The following WWOX variants were observed in gnomAD, a reference collection of about 807,000 sequenced individuals.
The protein encoded by WWOX is WW domain containing oxidoreductase, also known as WW domain-containing oxidoreductase.
A neutral mutation model predicts 46.2 loss-of-function variants in WWOX; 69 were observed. That is an observed-to-expected ratio of 1.49 (90% CI 1.23 to 1.82). The LOEUF is 1.82. Among genes scored for constraint, WWOX ranks in the 40% most tolerant of loss-of-function variants. The pLI is 0.00. For missense variants in WWOX, 919 were observed against 542.6 expected (o/e 1.69, Z -6.89); for synonymous variants, 359 against 202.6 (o/e 1.77, Z -6.56).
At chr16:78,565,315 G>T (rs2044538811) in intron 8 of WWOX, among the ~76,000 whole-genome samples, 1 of 152,198 alleles carries the variant, frequency 6.6e-6, no homozygotes, top group Non-Finnish European at 1.5e-5. Context: ...AGTCTCACCT[G>T]GTCAAGATGT....
chr16:78,105,285 A>T (rs893304596), intron 1 of WWOX, among the ~76,000 whole-genome samples: 10 of 152,266 alleles, frequency 6.6e-5, no homozygotes, highest in African/African-American at 2.4e-4. Context: ...AACATGGTGA[A>T]ACCCCATCTC....
chr16:78,507,590 A>G (rs887914783), intron 8 of WWOX, among the ~76,000 whole-genome samples: 2 of 152,154 alleles, frequency 1.3e-5, no homozygotes, highest in South Asian at 2.1e-4. Flanking sequence ...CAGGCATGCA[A>G]CATCAGTGTC....
chr16:78,609,396 A>G (rs1167701164), intron 8 of WWOX, among the ~76,000 whole-genome samples: 4 of 152,122 alleles, frequency 2.6e-5, no homozygotes, highest in Non-Finnish European at 5.9e-5. Flanking sequence ...ATGCTTCCCC[A>G]CCAGGAGAGT....
At chr16:78,385,319 G>T (rs772190659) in intron 5 of WWOX, among the ~76,000 whole-genome samples, 13 of 152,056 alleles carry the variant, frequency 8.5e-5, no homozygotes, top group Non-Finnish European at 1.5e-4. Flanking sequence ...ACCATTTATT[G>T]CCAAGTGGCA....
chr16:78,604,137 C>G (rs1444120424), intron 8 of WWOX, among the ~76,000 whole-genome samples: 1 of 151,908 alleles, frequency 6.6e-6, no homozygotes, highest in Non-Finnish European at 1.5e-5. Context: ...GAGACCTTGT[C>G]TAAAAAATAA....
chr16:79,081,000 G>A (rs1036591701), intron 8 of WWOX, among the ~76,000 whole-genome samples: 7 of 151,978 alleles, frequency 4.6e-5, no homozygotes, highest in Admixed American at 6.6e-5. Context: ...ACACACACAC[G>A]CACATGCACA....
intron 5 of WWOX, among the ~76,000 whole-genome samples, chr16:78,274,592 A>G (rs574279249): frequency 6.2e-4 from 94 of 152,244 alleles, no homozygotes; most frequent in African/African-American, 2.2e-3. Flanking sequence ...GAACACATCC[A>G]ATGTTCAATG....
At chr16:79,065,480 C>T (rs1265421601) in intron 8 of WWOX, among the ~76,000 whole-genome samples, 2 of 152,118 alleles carry the variant, frequency 1.3e-5, no homozygotes, top group African/African-American at 4.8e-5. Flanking sequence ...GCCTCAGTTC[C>T]AGTTGAATCA....
intron 8 of WWOX, among the ~76,000 whole-genome samples, chr16:78,868,375 G>A (rs189166662): frequency 6.6e-6 from 1 of 152,192 alleles, no homozygotes; most frequent in African/African-American, 2.4e-5. Context: ...GGGGCTGGGA[G>A]TGAGTGGAGG....
intron 5 of WWOX, among the ~76,000 whole-genome samples, chr16:78,277,067 A>G (rs1360936902): frequency 6.6e-6 from 1 of 152,206 alleles, no homozygotes; most frequent in African/African-American, 2.4e-5. Flanking sequence ...CGGTGTGGTC[A>G]GCAGACCCGG....
At chr16:78,867,863 C>G (rs1259819278) in intron 8 of WWOX, among the ~76,000 whole-genome samples, 5 of 152,116 alleles carry the variant, frequency 3.3e-5, no homozygotes, top group African/African-American at 9.7e-5. Flanking sequence ...ACTAGCTTAG[C>G]TCTAACCAGA....
chr16:78,470,484 A>G (rs983262809), intron 8 of WWOX, among the ~76,000 whole-genome samples: 2 of 152,220 alleles, frequency 1.3e-5, no homozygotes, highest in Non-Finnish European at 2.9e-5. Flanking sequence ...ATGGGGAAGC[A>G]AGACCCCACT....
chr16:78,804,478 C>A (rs1307469755), intron 8 of WWOX, among the ~76,000 whole-genome samples: 1 of 152,050 alleles, frequency 6.6e-6, no homozygotes, highest in East Asian at 1.9e-4. Context: ...ATATTAACTC[C>A]ATTAGTCATG....
intron 8 of WWOX, among the ~76,000 whole-genome samples, chr16:78,486,734 C>A (rs891667065): frequency 6.6e-6 from 1 of 152,146 alleles, no homozygotes; most frequent in African/African-American, 2.4e-5. Flanking sequence ...CCACCATGCC[C>A]AGCTGATTTT....
intron 5 of WWOX, among the ~76,000 whole-genome samples, chr16:78,337,906 AGTGCC>A (rs2080930961): frequency 8.3e-6 from 1 of 120,284 alleles, no homozygotes; most frequent in Non-Finnish European, 2.0e-5. Context: ...TGTTCCTGGC[AGTGCC>A]TGTCCTGCTA....
intron 8 of WWOX, among the ~76,000 whole-genome samples, chr16:79,117,491 A>G (rs930300941): frequency 2.0e-5 from 3 of 152,348 alleles, no homozygotes; most frequent in East Asian, 3.9e-4. Flanking sequence ...GATTTTGGGA[A>G]TGGTAAATGA....
chr16:78,904,611 G>C (rs867475788), intron 8 of WWOX, among the ~76,000 whole-genome samples: 1 of 152,074 alleles, frequency 6.6e-6, no homozygotes, highest in African/African-American at 2.4e-5. Context: ...CTGCCTCCCA[G>C]GTGTTGGTGC....
intron 8 of WWOX, among the ~76,000 whole-genome samples, chr16:78,662,061 T>A (rs1422014527): frequency 6.6e-6 from 1 of 151,772 alleles, no homozygotes; most frequent in Admixed American, 6.6e-5. Context: ...TGATAATAAT[T>A]GTAGTAGTAG....
intron 8 of WWOX, chr16:78,899,289 G>A (rs2044770737): frequency 1.3e-5 from 2 of 152,084 alleles, no homozygotes; most frequent in African/African-American, 2.4e-5. Flanking sequence ...ATATATATAT[G>A]TTTTATATTT....
Sources: gnomAD v4.1 joint callset for allele counts (sites outside exome capture counted in the v4.1 genomes callset) on GRCh38, gnomAD v4.1.1 for gene constraint, MANE v1.5 for transcripts, NCBI Gene and HGNC (gene_info 2026-07-23, HGNC 2026-07-21) for gene names.